The following LRMDA variants were observed in gnomAD, a reference collection of about 807,000 sequenced individuals.
The protein encoded by LRMDA is leucine rich melanocyte differentiation associated, also known as leucine-rich melanocyte differentiation-associated protein.
LRMDA carries 18 observed loss-of-function variants against 29.8 expected under a neutral mutation model. That is an observed-to-expected ratio of 0.60 (90% confidence interval 0.42 to 0.90). LRMDA has a LOEUF of 0.90. LRMDA is among the 40% of genes least tolerant of loss of function. The probability of loss-of-function intolerance (pLI) is 0.00; values close to 1 mark genes in which losing one functional copy is unlikely to be tolerated. For synonymous variants in LRMDA, 125 were observed against 109.4 expected (o/e 1.14, Z -0.89); for missense variants, 273 against 273.9 (o/e 1.00, Z 0.02).
At chr10:75,498,930 A>C (rs1023274739) in intron 2 of LRMDA, among the ~76,000 whole-genome samples, 2 of 152,046 alleles carry the variant, frequency 1.3e-5, no homozygotes, top group Non-Finnish European at 2.9e-5. Context: ...GAACTGGAGG[A>C]GACGCTGTGG....
chr10:76,470,994 T>C (rs139110185), intron 6 of LRMDA, among the ~76,000 whole-genome samples: 4 of 151,862 alleles, frequency 2.6e-5, no homozygotes, highest in Admixed American at 1.3e-4. Flanking sequence ...ATAATATGTA[T>C]GTAATTATAT....
chr10:76,432,570 G>T (rs569095103), intron 6 of LRMDA, among the ~76,000 whole-genome samples: 143 of 152,276 alleles, frequency 9.4e-4, no homozygotes, highest in African/African-American at 3.2e-3. Flanking sequence ...CCCAAAGCTG[G>T]CTTCCAAATC....
chr10:76,285,225 G>C lies in LRMDA; in HGVS notation c.517-39176G>C, dbSNP rs138208837. ...CAGGATATAGTTGGCCAATCTGTCTGGAATTCAGTTTTTTCCACAACTCAA... is the reference window on the plus strand; with the variant it reads ...CAGGATATAGTTGGCCAATCTGTCTCGAATTCAGTTTTTTCCACAACTCAA... On this transcript the variant is annotated intron_variant, in intron 5 of 6. Transcript: ENST00000611255. 4.2e-4 allele frequency among the ~76,000 whole-genome samples: 64 copies of C among 152,176 alleles called. No homozygotes were observed. The East Asian group carries it at 0.012, about 29-fold the overall frequency.
At chr10:76,047,070 G>A in intron 3 of LRMDA, 94 bp from the exon 4 acceptor site, 1 of 1,370,412 alleles carries the variant, frequency 7.3e-7, no homozygotes, top group East Asian at 2.3e-5. Context: ...GGTCTCACAG[G>A]AGCAGACTGG....
chr10:75,717,453 G>T (rs1445795276), intron 2 of LRMDA, among the ~76,000 whole-genome samples: 1 of 152,224 alleles, frequency 6.6e-6, no homozygotes, highest in Non-Finnish European at 1.5e-5. Flanking sequence ...TGCCTTTAAT[G>T]GCACGGCCCT....
At chr10:75,886,663 G>C (rs1002185424) in intron 2 of LRMDA, among the ~76,000 whole-genome samples, 2 of 152,052 alleles carry the variant, frequency 1.3e-5, no homozygotes, top group African/African-American at 4.8e-5. Flanking sequence ...GTCTTGCATG[G>C]CTATTTAACT....
chr10:75,870,438 T>C (rs991367242), intron 2 of LRMDA, among the ~76,000 whole-genome samples: 1 of 152,244 alleles, frequency 6.6e-6, no homozygotes, highest in Non-Finnish European at 1.5e-5. Context: ...AATCACATTC[T>C]GTGATTCAGA....
At chr10:75,514,164 GTTT>G (rs3041614) in intron 2 of LRMDA, among the ~76,000 whole-genome samples, 2 of 138,774 alleles carry the variant, frequency 1.4e-5, no homozygotes, top group African/African-American at 2.7e-5. Flanking sequence ...TCCTTTACCT[GTTT>G]TTTTTTTTTT....
chr10:75,482,370 G>C (rs988490596), intron 2 of LRMDA, among the ~76,000 whole-genome samples: 1 of 152,156 alleles, frequency 6.6e-6, no homozygotes, highest in Non-Finnish European at 1.5e-5. Context: ...AGTTGTAGCC[G>C]ATTTGCAGAT....
chr10:76,040,423 C>G (rs1397794119), intron 3 of LRMDA, among the ~76,000 whole-genome samples: 1 of 152,146 alleles, frequency 6.6e-6, no homozygotes, highest in Non-Finnish European at 1.5e-5. Flanking sequence ...TGTTGATATC[C>G]TGCTCTGGTA....
chr10:75,793,779 T>C (rs566561901), intron 2 of LRMDA, among the ~76,000 whole-genome samples: 3 of 152,300 alleles, frequency 2.0e-5, no homozygotes, highest in South Asian at 2.1e-4. Context: ...GCAGTACAGA[T>C]GACATGGAGC....
In LRMDA at chr10:76,045,955, G is replaced by A. The variant is rs1370603731; in HGVS notation, c.259-1209G>A. On this transcript the variant is annotated intron_variant, in intron 3 of 6. Transcript: ENST00000611255. ...CAAGGTTAGATAACATCCTCACAGA[G>A]CAAGAACATCCCTTTTCTTTGATTT... is the stretch of plus-strand genomic sequence containing the variant. Among the ~76,000 whole-genome samples the A allele has an allele frequency of 8.5e-5, 13 of 152,336 alleles. No individual in the cohort carries two copies. The East Asian group carries it at 2.1e-3, about 25-fold the overall frequency.
At chr10:76,291,142 T>C (rs983282281) in intron 5 of LRMDA, among the ~76,000 whole-genome samples, 4 of 152,220 alleles carry the variant, frequency 2.6e-5, no homozygotes, top group African/African-American at 9.6e-5. Context: ...AAAATGAATC[T>C]GAAGTTTTTC....
intron 2 of LRMDA, among the ~76,000 whole-genome samples, chr10:75,989,359 A>G (rs1847318702): frequency 6.6e-6 from 1 of 152,224 alleles, no homozygotes; most frequent in African/African-American, 2.4e-5. Flanking sequence ...GCCGAAGGCA[A>G]AGAGGGCGCT....
At chr10:75,632,736 C>T (rs1027371582) in intron 2 of LRMDA, among the ~76,000 whole-genome samples, 46 of 144,336 alleles carry the variant, frequency 3.2e-4, no homozygotes, top group Non-Finnish European at 2.1e-4. Context: ...AAAGGCTGAA[C>T]ATGTCCCTAA....
At chr10:75,825,487 A>C (rs1459200619) in intron 2 of LRMDA, among the ~76,000 whole-genome samples, 4 of 152,206 alleles carry the variant, frequency 2.6e-5, no homozygotes, top group Admixed American at 2.6e-4. Context: ...CATTTAGAAG[A>C]CGTGCTCATT....
chr10:76,124,912 T>G (rs1849853193), intron 5 of LRMDA, among the ~76,000 whole-genome samples: 1 of 152,224 alleles, frequency 6.6e-6, no homozygotes, highest in Non-Finnish European at 1.5e-5. Context: ...GTCCCCATCA[T>G]TTTTGTCTCA....
intron 2 of LRMDA, among the ~76,000 whole-genome samples, chr10:75,706,888 A>G (rs866584166): frequency 2.7e-4 from 41 of 152,130 alleles, no homozygotes; most frequent in African/African-American, 9.9e-4. Context: ...GGTGGTGGGG[A>G]CCTCAGTATA....
At chr10:76,142,965 G>C (rs936023447) in intron 5 of LRMDA, among the ~76,000 whole-genome samples, 1 of 151,864 alleles carries the variant, frequency 6.6e-6, no homozygotes, top group African/African-American at 2.4e-5. Flanking sequence ...CCTTGCGATA[G>C]TTTACTGAGA....
Sources: gnomAD v4.1 joint callset for allele counts (sites outside exome capture counted in the v4.1 genomes callset) on GRCh38, gnomAD v4.1.1 for gene constraint, MANE v1.5 for transcripts, NCBI Gene and HGNC (gene_info 2026-07-23, HGNC 2026-07-21) for gene names.